The following HIVEP2 variants were observed in gnomAD, a reference collection of about 807,000 sequenced individuals.
The protein encoded by HIVEP2 is HIVEP zinc finger 2.
Under a neutral mutation model 180.7 loss-of-function variants are expected in HIVEP2, and 14 were observed. The observed-to-expected ratio is 0.08, with a 90% CI of 0.05 to 0.12. HIVEP2 has a LOEUF of 0.12. Among genes scored for constraint, HIVEP2 ranks in the 10% least tolerant of loss-of-function variants. The pLI, the probability that HIVEP2 is intolerant of heterozygous loss-of-function variation, is 1.00. For synonymous variants in HIVEP2, 1,184 were observed against 1,136.4 expected (o/e 1.04, Z -0.84); for missense variants, 2,579 against 3,008.5 (o/e 0.86, Z 3.34).
chr6:142,803,277 G>A (rs79047834), intron 2 of HIVEP2, among the ~76,000 whole-genome samples: 20,720 of 152,048 alleles, frequency 0.14, 1,552 homozygotes, highest in Middle Eastern at 0.2. Flanking sequence ...CTTTACTTTA[G>A]TGGAATTTGC....
At chr6:142,824,724 A>T (rs1475003245) in intron 2 of HIVEP2, among the ~76,000 whole-genome samples, 1 of 152,234 alleles carries the variant, frequency 6.6e-6, no homozygotes, top group East Asian at 1.9e-4. Context: ...CTAGGGAGGC[A>T]ACAGTTACAC....
At chr6:142,811,018 C>T (rs143826925) in intron 2 of HIVEP2, among the ~76,000 whole-genome samples, 142 of 152,212 alleles carry the variant, frequency 9.3e-4, no homozygotes, top group Middle Eastern at 3.4e-3. Context: ...ACTATGTAAG[C>T]GGTACATGTG....
At chr6:142,767,773 C>T (rs1003834211) in intron 6 of HIVEP2, among the ~76,000 whole-genome samples, 16 of 152,160 alleles carry the variant, frequency 1.1e-4, no homozygotes, top group African/African-American at 2.4e-5. Flanking sequence ...GTTTCTATGA[C>T]TCAGGACTCA....
chr6:142,909,290 G>C (rs991861765), intron 1 of HIVEP2, among the ~76,000 whole-genome samples: 2 of 152,076 alleles, frequency 1.3e-5, no homozygotes, highest in African/African-American at 4.8e-5. Context: ...ACTATCTATA[G>C]ACAAAAATCT....
rs375530932 is a variant in HIVEP2, at chr6:142,918,352, AT to A, written c.-641+26746del. On this transcript the variant is annotated intron_variant, in intron 1 of 9. Transcript: ENST00000367603. ...TGAGCCATCGCTCACAGCCCTATTT[AT>A]TTTTTTCTATTAAACGAACTCAAGA... Among the ~76,000 whole-genome samples, 8 of 152,174 alleles carry A rather than the reference AT, an allele frequency of 5.3e-5. No homozygotes were observed. The East Asian group carries it at 1.4e-3, about 26-fold the overall frequency.
chr6:142,768,659 G>T, intron 5 of HIVEP2, 123 bp from the exon 6 acceptor site: 1 of 879,580 alleles, frequency 1.1e-6, no homozygotes, highest in Non-Finnish European at 1.7e-6. Context: ...CCAGGAACTA[G>T]TTATATAAAA....
intron 1 of HIVEP2, among the ~76,000 whole-genome samples, chr6:142,846,299 G>A (rs1187041498): frequency 6.6e-6 from 1 of 151,926 alleles, no homozygotes; most frequent in Non-Finnish European, 1.5e-5. Flanking sequence ...AAAAAGAAAA[G>A]AATATACATT....
intron 2 of HIVEP2, among the ~76,000 whole-genome samples, chr6:142,816,643 A>C (rs1776845012): frequency 6.6e-6 from 1 of 152,158 alleles, no homozygotes; most frequent in South Asian, 2.1e-4. Context: ...AATGTGCTCC[A>C]AGACCTCCTA....
intron 2 of HIVEP2, among the ~76,000 whole-genome samples, chr6:142,823,620 C>T (rs1007121693): frequency 1.3e-5 from 2 of 152,220 alleles, no homozygotes; most frequent in Non-Finnish European, 2.9e-5. Flanking sequence ...GGTTTCTCTT[C>T]GTGCTCTGAT....
chr6:142,939,061 T>C (rs938043269), intron 1 of HIVEP2, among the ~76,000 whole-genome samples: 2 of 152,212 alleles, frequency 1.3e-5, no homozygotes, highest in African/African-American at 4.8e-5. Flanking sequence ...CTTTCACTAC[T>C]AATATTTATA....
chr6:142,898,841 G>A (rs1777061921), intron 1 of HIVEP2, among the ~76,000 whole-genome samples: 1 of 152,084 alleles, frequency 6.6e-6, no homozygotes, highest in African/African-American at 2.4e-5. Context: ...ACTAAGTACT[G>A]TGTGCTAAGT....
chr6:142,821,899 A>T (rs1157503683), intron 2 of HIVEP2, among the ~76,000 whole-genome samples: 1 of 152,150 alleles, frequency 6.6e-6, no homozygotes, highest in Non-Finnish European at 1.5e-5. Context: ...ACCACACCTC[A>T]CCACCACCTC....
rs149184258 is a variant in HIVEP2 at position 142,766,922 on chromosome 6, A to T, written c.5342+1460T>A. Among the ~76,000 whole-genome samples the T allele has an allele frequency of 5.8e-3, 887 of 152,324 alleles. 5 individuals are homozygous for T. Among genetic ancestry groups the T allele is most frequent in the East Asian group, 0.033 (170 of 5,190 alleles). ...GCAATTGCCAAAATAAGAGGAGGTA[A>T]CACAAGGTTTGGAAAAAACACTTGG... On this transcript the variant is annotated intron_variant, in intron 6 of 9. Transcript: ENST00000367603.
intron 1 of HIVEP2, among the ~76,000 whole-genome samples, chr6:142,940,228 A>G (rs1352332357): frequency 1.3e-5 from 2 of 152,366 alleles, no homozygotes; most frequent in East Asian, 3.9e-4. Context: ...GATGCTGGCT[A>G]TTTTTGTTAA....
chr6:142,785,309 CAAAAAAAAAAAAAAAAAAAAAAAA>C (rs57458259), intron 2 of HIVEP2, among the ~76,000 whole-genome samples: 5 of 65,394 alleles, frequency 7.6e-5, no homozygotes, highest in African/African-American at 2.4e-4. Context: ...TGGCATTCCT[CAAAAAAAAAAAAAAAAAAAAAAAA>C]AAAAAAAAAA....
At chr6:142,843,586 C>T (rs1477584796) in intron 1 of HIVEP2, among the ~76,000 whole-genome samples, 2 of 152,116 alleles carry the variant, frequency 1.3e-5, no homozygotes, top group Non-Finnish European at 2.9e-5. Context: ...AGAGTTCCCA[C>T]AAGAGAAAGC....
chr6:142,808,511 T>G, intron 2 of HIVEP2, among the ~76,000 whole-genome samples: 1 of 139,602 alleles, frequency 7.2e-6, no homozygotes, highest in African/African-American at 2.8e-5. Flanking sequence ...GAGGGATGAA[T>G]AGACAGAGGG....
At chr6:142,822,604 C>T (rs1340361805) in intron 2 of HIVEP2, among the ~76,000 whole-genome samples, 7 of 152,242 alleles carry the variant, frequency 4.6e-5, no homozygotes. Flanking sequence ...GTTTTTTTCT[C>T]AACCAAATTT....
At position 142,933,539 on chromosome 6, in the gene HIVEP2, T is replaced by C. The variant is rs76507944; in HGVS notation, c.-641+11560A>G. On this transcript the variant is annotated intron_variant, in intron 1 of 9. Coordinates refer to ENST00000367603, the MANE Select transcript of HIVEP2 (RefSeq NM_006734.4). ...GAAAAGAAGGACTATCAGGATAATA[T>C]CTTCACAATATAAATTATTGGGATT... is the stretch of plus-strand genomic sequence containing the variant. Among the ~76,000 whole-genome samples the C allele has an allele frequency of 5.3e-4, 81 of 152,326 alleles. 1 individual carries two copies. In the East Asian group the frequency reaches 0.015, roughly 28 times the overall value.
Sources: gnomAD v4.1 joint callset for allele counts (sites outside exome capture counted in the v4.1 genomes callset) on GRCh38, gnomAD v4.1.1 for gene constraint, MANE v1.5 for transcripts, NCBI Gene and HGNC (gene_info 2026-07-23, HGNC 2026-07-21) for gene names.